The following ROR1 variants were observed in gnomAD, a reference collection of about 807,000 sequenced individuals.
ROR1 encodes inactive tyrosine-protein kinase transmembrane receptor ROR1.
In ROR1, 19 loss-of-function variants were observed where a neutral mutation model predicts 78.8. The observed-to-expected ratio is 0.24, with a 90% confidence interval of 0.17 to 0.35. The LOEUF is 0.35. Ranked by LOEUF, ROR1 falls within the 10% of genes least tolerant of loss-of-function variation. The pLI, the probability that ROR1 is intolerant of heterozygous loss-of-function variation, is 1.00. For synonymous variants in ROR1, 386 were observed against 433.6 expected (o/e 0.89, Z 1.36); for missense variants, 917 against 1,177.8 (o/e 0.78, Z 3.24).
intron 8 of ROR1, among the ~76,000 whole-genome samples, chr1:64,171,561 G>A (rs1650240625): frequency 1.3e-5 from 2 of 152,166 alleles, no homozygotes; most frequent in Non-Finnish European, 2.9e-5. Flanking sequence ...CAAAAGAATA[G>A]CATAGATTTG....
At chr1:64,097,287 C>T (rs1267385754) in intron 4 of ROR1, among the ~76,000 whole-genome samples, 1 of 152,202 alleles carries the variant, frequency 6.6e-6, no homozygotes, top group East Asian at 1.9e-4. Context: ...CTTCTGAACA[C>T]TGCATCATTG....
intron 1 of ROR1, among the ~76,000 whole-genome samples, chr1:63,924,340 CA>C (rs1645681738): frequency 6.6e-6 from 1 of 152,040 alleles, no homozygotes; most frequent in South Asian, 2.1e-4. Flanking sequence ...AGGCACTCAG[CA>C]AATATTGATT....
At chr1:63,830,014 C>CA (rs71056007) in intron 1 of ROR1, among the ~76,000 whole-genome samples, 20,539 of 141,344 alleles carry the variant, frequency 0.15, 1,462 homozygotes, top group Middle Eastern at 0.24. Context: ...GCAATGAGGC[C>CA]AAAAAAAAAA....
At chr1:64,043,339 A>G (rs988436428) in intron 2 of ROR1, among the ~76,000 whole-genome samples, 2 of 152,252 alleles carry the variant, frequency 1.3e-5, no homozygotes, top group South Asian at 4.1e-4. Flanking sequence ...ACCAGCGTTT[A>G]TTAAATGCCT....
chr1:64,058,098 A>G (rs1382238556), intron 4 of ROR1, among the ~76,000 whole-genome samples: 1 of 152,138 alleles, frequency 6.6e-6, no homozygotes, highest in Non-Finnish European at 1.5e-5. Flanking sequence ...TGCTATTGGA[A>G]ATGGAATTTT....
At chr1:63,825,759 A>G (rs995292901) in intron 1 of ROR1, among the ~76,000 whole-genome samples, 4 of 152,200 alleles carry the variant, frequency 2.6e-5, no homozygotes, top group African/African-American at 9.6e-5. Flanking sequence ...TTATTTCTTT[A>G]TCCTGGATGA....
chr1:64,135,089 G>GT (rs996375056), intron 4 of ROR1, among the ~76,000 whole-genome samples: 14 of 152,078 alleles, frequency 9.2e-5, no homozygotes, highest in Admixed American at 5.2e-4. Context: ...TGGTTTTGGG[G>GT]TTTTTTTGTG....
intron 1 of ROR1, among the ~76,000 whole-genome samples, chr1:63,823,144 C>A (rs1453508781): frequency 6.6e-6 from 1 of 151,914 alleles, no homozygotes; most frequent in Non-Finnish European, 1.5e-5. Flanking sequence ...ATTTGTATTT[C>A]TTCTTTTGCA....
intron 5 of ROR1, 92 bp from the exon 6 acceptor site, chr1:64,140,017 C>A: frequency 8.5e-7 from 1 of 1,170,342 alleles, no homozygotes; most frequent in Non-Finnish European, 1.2e-6. Context: ...GGATTCCTTG[C>A]AATGTGTGTT....
chr1:63,852,645 T>G (rs1400941048), intron 1 of ROR1, among the ~76,000 whole-genome samples: 1 of 152,230 alleles, frequency 6.6e-6, no homozygotes, highest in African/African-American at 2.4e-5. Context: ...CACTCACTAA[T>G]GCAAACCAGT....
At chr1:64,006,846 C>T (rs915835675) in intron 1 of ROR1, among the ~76,000 whole-genome samples, 1 of 152,180 alleles carries the variant, frequency 6.6e-6, no homozygotes, top group African/African-American at 2.4e-5. Flanking sequence ...TTTGTCTCTG[C>T]TGTGGCAGGG....
At chr1:63,781,919 C>A (rs1569694478) in intron 1 of ROR1, among the ~76,000 whole-genome samples, 1 of 152,174 alleles carries the variant, frequency 6.6e-6, no homozygotes, top group Non-Finnish European at 1.5e-5. Flanking sequence ...CACCACCTGC[C>A]CTAATCCTGG....
intron 1 of ROR1, among the ~76,000 whole-genome samples, chr1:63,923,162 A>G (rs768896618): frequency 6.6e-6 from 1 of 152,166 alleles, no homozygotes; most frequent in Non-Finnish European, 1.5e-5. Context: ...CCAGCGTGGC[A>G]CTTCAGCCCC....
At chr1:63,975,413 G>C (rs2100502388) in intron 1 of ROR1, among the ~76,000 whole-genome samples, 1 of 152,176 alleles carries the variant, frequency 6.6e-6, no homozygotes, top group East Asian at 1.9e-4. Context: ...AATGAAACCT[G>C]GATTTTTTTT....
At chr1:64,175,012 T>C (rs1376124281) in intron 8 of ROR1, among the ~76,000 whole-genome samples, 1 of 150,682 alleles carries the variant, frequency 6.6e-6, no homozygotes, top group African/African-American at 2.4e-5. Flanking sequence ...TTGTTTTTTT[T>C]TTTTTAAAAA....
intron 1 of ROR1, among the ~76,000 whole-genome samples, chr1:63,999,105 A>G (rs1023136764): frequency 5.3e-5 from 8 of 152,248 alleles, no homozygotes; most frequent in Non-Finnish European, 1.0e-4. Flanking sequence ...TATCAGCAGC[A>G]TGAAAACAGA....
intron 4 of ROR1, among the ~76,000 whole-genome samples, chr1:64,128,555 A>ATCCCTGTTTGC: frequency 6.6e-6 from 1 of 151,672 alleles, no homozygotes; most frequent in Middle Eastern, 3.5e-3. Context: ...TTGCTAGAGG[A>ATCCCTGTTTGC]TGCCACCACA....
rs770220481 is a variant in ROR1 at position 64,139,277 on chromosome 1, GT to G, written c.611-823del. Among the ~76,000 whole-genome samples, 28 of 150,356 alleles carry G rather than the reference GT, an allele frequency of 1.9e-4. No homozygotes were observed. The East Asian group carries it at 3.3e-3, about 18-fold the overall frequency. The stretch of plus-strand genomic sequence containing the variant: ...CTAATGGGTATCAGCCTGGTGGAAA[GT>G]TTTTTTTTAAATTCATTTACCTTTG... On this transcript the variant is annotated intron_variant, in intron 5 of 8. Transcript: ENST00000371079.
At chr1:64,051,867 A>G (rs1646836115) in intron 4 of ROR1, among the ~76,000 whole-genome samples, 1 of 152,274 alleles carries the variant, frequency 6.6e-6, no homozygotes, top group Non-Finnish European at 1.5e-5. Flanking sequence ...TATGGCAAAT[A>G]TAACAGCCAC....
Sources: gnomAD v4.1 joint callset for allele counts (sites outside exome capture counted in the v4.1 genomes callset) on GRCh38, gnomAD v4.1.1 for gene constraint, MANE v1.5 for transcripts, NCBI Gene and HGNC (gene_info 2026-07-23, HGNC 2026-07-21) for gene names.